SLC36A1: variants seen among roughly 807,000 people sequenced by gnomAD.
SLC36A1 encodes the protein solute carrier family 36 member 1, also known as proton-coupled amino acid transporter 1.
SLC36A1 carries 30 observed loss-of-function variants against 47.5 expected under a neutral mutation model. That is an observed-to-expected ratio of 0.63 (90% CI 0.47 to 0.86). The LOEUF is 0.86. Ranked by LOEUF, SLC36A1 falls within the 40% of genes least tolerant of loss-of-function variation. The pLI, the probability that SLC36A1 is intolerant of heterozygous loss-of-function variation, is 0.00. For missense variants in SLC36A1, 517 were observed against 606.0 expected (o/e 0.85, Z 1.54); for synonymous variants, 255 against 249.7 (o/e 1.02, Z -0.20).
In SLC36A1 at chr5:151,467,238, AT is replaced by A. The variant is rs1477636707; in HGVS notation, c.461del (p.Phe154SerfsTer16). On this transcript the variant is annotated frameshift_variant, in exon 6 of 11. Coordinates refer to ENST00000243389, the MANE Select transcript of SLC36A1 (RefSeq NM_078483.4). LOFTEE classifies it high-confidence loss of function. Reference protein sequence around the residue: ...DFFLIVTQLGFCCVYFVFLAD... With the variant: ...DFFLIVTQLGXCCVYFVFLAD... ...TCTTCCTGATTGTCACCCAGCTGGG[AT>A]TCTGCTGTGTCTATTTTGTGTTTCT... 5 of 1,608,678 alleles carry A rather than the reference AT, an allele frequency of 3.1e-6. No homozygotes were observed. In the East Asian group the frequency reaches 9.0e-5, roughly 29 times the overall value.
chr5:151,458,356 T>TATATATATACACAC lies in SLC36A1; in HGVS notation c.-5-431_-5-430insTATATATACACACA, dbSNP rs796511045. Reference sequence around the variant, plus strand: ...TATGGGATATTTATATATATATATATACACACACGATTGAACTATTGCACA... The same window carrying TATATATATACACAC: ...TATGGGATATTTATATATATATATATATATATATACACACACACACACGATTGAACTATTGCACA... On this transcript the variant is annotated intron_variant, in intron 1 of 10. Transcript: ENST00000243389. Among the ~76,000 whole-genome samples, 75 of 129,764 alleles carry TATATATATACACAC rather than the reference T, an allele frequency of 5.8e-4. 2 individuals carry two copies. The highest frequency in any genetic ancestry group is 2.5e-3 in the African/African-American group (72 of 28,388). The allele number at this position is 129,764 out of a possible 152,430, so 85.1% of individuals were successfully genotyped here. A position where few individuals can be genotyped will look rare whatever the true frequency, so the allele number is the denominator to read the frequency against.
At chr5:151,550,602 T>C in the SLC36A1 span, 1 of 1,614,104 alleles carries the variant, frequency 6.2e-7, no homozygotes, top group Non-Finnish European at 8.5e-7. Context: ...TGACTGTCAG[T>C]GTGTGCTGGG....
At chr5:151,367,258 C>T in the SLC36A1 span, among the ~76,000 whole-genome samples, 1 of 152,090 alleles carries the variant, frequency 6.6e-6, no homozygotes, top group Non-Finnish European at 1.5e-5. Flanking sequence ...CCTAGTAAGC[C>T]TGAGGGTTCT....
the SLC36A1 span, chr5:151,347,199 C>T: frequency 6.9e-7 from 1 of 1,449,086 alleles, no homozygotes; most frequent in Non-Finnish European, 9.7e-7. Context: ...CTCATCTGCA[C>T]AGTGGGTTGA....
At chr5:151,546,879 CATTTTTAATATA>C in the SLC36A1 span, among the ~76,000 whole-genome samples, 25 of 152,176 alleles carry the variant, frequency 1.6e-4, no homozygotes, top group African/African-American at 6.0e-4. Context: ...TGCCTGGCTA[CATTTTTAATATA>C]ATTTTTAATA....
At chr5:151,542,872 C>T in the SLC36A1 span, 2 of 1,614,058 alleles carry the variant, frequency 1.2e-6, no homozygotes, top group African/African-American at 1.3e-5. Context: ...CATGGGCTTC[C>T]TCACCTTTAT....
the SLC36A1 span, chr5:151,521,490 G>A: frequency 5.6e-5 from 90 of 1,614,218 alleles, no homozygotes; most frequent in African/African-American, 1.1e-3. Flanking sequence ...GAGTGATGAT[G>A]GATGCTAGCT....
the SLC36A1 span, among the ~76,000 whole-genome samples, chr5:151,420,568 C>A: frequency 6.6e-6 from 1 of 152,152 alleles, no homozygotes; most frequent in Non-Finnish European, 1.5e-5. Flanking sequence ...GCTCATAATC[C>A]TAAGAGTGCA....
chr5:151,540,805 A>T, the SLC36A1 span: 3 of 1,564,972 alleles, frequency 1.9e-6, no homozygotes, highest in Non-Finnish European at 2.6e-6. Flanking sequence ...AAGCAATAGG[A>T]ATGAACTAGG....
intron 2 of SLC36A1, among the ~76,000 whole-genome samples, chr5:151,460,656 G>A (rs925913934): frequency 2.0e-5 from 3 of 151,854 alleles, no homozygotes; most frequent in Non-Finnish European, 2.9e-5. Flanking sequence ...TTCCAGCCTG[G>A]GGCATAGGAT....
rs1021158072 is a variant in SLC36A1 at position 151,490,596 on chromosome 5, C to T, written c.*2342C>T. On this transcript the variant is annotated 3_prime_UTR_variant, in exon 11 of 11. Coordinates refer to ENST00000243389, the MANE Select transcript of SLC36A1 (RefSeq NM_078483.4). ...AGGCTATTGCTTCCACACCCCTGGC[C>T]GTGAGAACGTGGTATGTAGGAGAGT... The T allele has an allele frequency of 3.9e-5, 6 of 152,424 alleles. No individual in the cohort carries two copies. The East Asian group carries it at 9.6e-4, about 24-fold the overall frequency. 9.4% of individuals were successfully genotyped at this position (152,424 alleles called of 1,614,324 possible). A position where few individuals can be genotyped will look rare whatever the true frequency, so the allele number is the denominator to read the frequency against.
chr5:151,485,223 C>T lies in SLC36A1; in HGVS notation c.1160-2760C>T, dbSNP rs548770047. Among the ~76,000 whole-genome samples, 3 of 152,318 alleles carry T rather than the reference C, an allele frequency of 2.0e-5. No individual in the cohort carries two copies. The East Asian group carries it at 5.8e-4, about 29-fold the overall frequency. On this transcript the variant is annotated intron_variant, in intron 10 of 10. Coordinates refer to ENST00000243389, the MANE Select transcript of SLC36A1 (RefSeq NM_078483.4). The stretch of plus-strand genomic sequence containing the variant: ...ATTAAAAGCCTAAACTTTTTGCACA[C>T]TTCTCAAAGCCTTGAGATCGGTGAA...
chr5:151,515,536 C>T, the SLC36A1 span, among the ~76,000 whole-genome samples: 1 of 152,202 alleles, frequency 6.6e-6, no homozygotes, highest in Non-Finnish European at 1.5e-5. Flanking sequence ...ATCTCCCCTC[C>T]CCAAACCTTG....
At chr5:151,395,074 G>A in the SLC36A1 span, among the ~76,000 whole-genome samples, 19 of 152,194 alleles carry the variant, frequency 1.2e-4, no homozygotes, top group Admixed American at 5.2e-4. Flanking sequence ...CTTCCTGGCC[G>A]CTTTGTTTAC....
At chr5:151,406,357 A>G in the SLC36A1 span, 8 of 152,252 alleles carry the variant, frequency 5.3e-5, no homozygotes, top group Non-Finnish European at 1.0e-4. Context: ...AACAGTATTC[A>G]AATTCACGCC....
At chr5:151,507,323 T>G in the SLC36A1 span, 1 of 1,614,130 alleles carries the variant, frequency 6.2e-7, no homozygotes, top group Non-Finnish European at 8.5e-7. Flanking sequence ...TGGGTTCCGG[T>G]TGGTTGAGGT....
upstream of SLC36A1, among the ~76,000 whole-genome samples, chr5:151,446,162 TTA>T (rs1752907099): frequency 6.6e-6 from 1 of 152,222 alleles, no homozygotes; most frequent in African/African-American, 2.4e-5. Flanking sequence ...CTTTGGTATG[TTA>T]TGTTTCCATT....
the SLC36A1 span, among the ~76,000 whole-genome samples, chr5:151,370,516 C>T: frequency 6.6e-6 from 1 of 152,158 alleles, no homozygotes; most frequent in African/African-American, 2.4e-5. Context: ...TCATATCCAC[C>T]TTGAAGAAAC....
the SLC36A1 span, among the ~76,000 whole-genome samples, chr5:151,517,971 T>C: frequency 6.6e-6 from 1 of 152,196 alleles, no homozygotes; most frequent in African/African-American, 2.4e-5. Flanking sequence ...CTACCTTTTG[T>C]TGACTGCAGG....
Sources: gnomAD v4.1 joint callset for allele counts (sites outside exome capture counted in the v4.1 genomes callset) on GRCh38, gnomAD v4.1.1 for gene constraint, MANE v1.5 for transcripts, NCBI Gene and HGNC (gene_info 2026-07-23, HGNC 2026-07-21) for gene names.